The following MIS18A variants were observed in gnomAD, a reference collection of about 807,000 sequenced individuals.
MIS18A encodes the protein protein Mis18-alpha.
In MIS18A, 14 loss-of-function variants were observed where a neutral mutation model predicts 25.0. The observed-to-expected ratio is 0.56, with a 90% CI of 0.37 to 0.88. The LOEUF (loss-of-function observed/expected upper bound fraction) is 0.88, where lower values mean the gene tolerates loss of function less well. Ranked by LOEUF, MIS18A falls within the 40% of genes least tolerant of loss-of-function variation. MIS18A has a pLI of 0.00. For synonymous variants in MIS18A, 134 were observed against 118.6 expected (o/e 1.13, Z -0.84); for missense variants, 292 against 290.8 (o/e 1.00, Z -0.03).
At chr21:32,244,592 C>T in the MIS18A span, among the ~76,000 whole-genome samples, 1 of 152,084 alleles carries the variant, frequency 6.6e-6, no homozygotes, top group South Asian at 2.1e-4. Context: ...AAAAAAGTAG[C>T]CAGGTGTGGG....
At chr21:32,221,622 G>A in the MIS18A span, among the ~76,000 whole-genome samples, 4 of 151,388 alleles carry the variant, frequency 2.6e-5, no homozygotes, top group African/African-American at 9.7e-5. Context: ...GCTCACACCT[G>A]TAATCCCAGC....
At chr21:32,189,033 AC>A in the MIS18A span, among the ~76,000 whole-genome samples, 1 of 151,996 alleles carries the variant, frequency 6.6e-6, no homozygotes, top group Non-Finnish European at 1.5e-5. Flanking sequence ...TGTCTATAGG[AC>A]CCCCTTAAAA....
the MIS18A span, among the ~76,000 whole-genome samples, chr21:32,172,565 C>T: frequency 6.5e-3 from 947 of 145,894 alleles, 18 homozygotes; most frequent in African/African-American, 0.023. Context: ...ATCCCAGATG[C>T]GTTTTTTTTC....
the MIS18A span, among the ~76,000 whole-genome samples, chr21:32,249,130 G>T: frequency 3.9e-5 from 6 of 152,230 alleles, no homozygotes; most frequent in African/African-American, 1.4e-4. Context: ...AAAGATGGTT[G>T]ATCTGGCCCT....
At chr21:32,274,297 G>C (rs9982009) in intron 2 of MIS18A, among the ~76,000 whole-genome samples, 149,226 of 149,228 alleles carry the variant, frequency 1, 74,612 homozygotes, top group Middle Eastern at 1. Context: ...CTCCACCTCC[G>C]TAGTTCTAGT....
intron 2 of MIS18A, among the ~76,000 whole-genome samples, chr21:32,273,818 ATAAT>A (rs1342953444): frequency 3.3e-5 from 5 of 152,356 alleles, no homozygotes; most frequent in East Asian, 1.9e-4. Flanking sequence ...AAATATACAC[ATAAT>A]TAATTTTTGT....
chr21:32,203,821 G>A, the MIS18A span, among the ~76,000 whole-genome samples: 1,599 of 151,980 alleles, frequency 0.011, 31 homozygotes, highest in African/African-American at 0.037. Flanking sequence ...GTTTCACTAT[G>A]TTGCCCAGGC....
the MIS18A span, among the ~76,000 whole-genome samples, chr21:32,167,945 T>C: frequency 1.3e-5 from 2 of 152,086 alleles, no homozygotes; most frequent in Admixed American, 6.5e-5. Flanking sequence ...GACTGAACGA[T>C]TGTGTCCCCC....
the MIS18A span, among the ~76,000 whole-genome samples, chr21:32,179,126 T>C: frequency 6.6e-6 from 1 of 151,742 alleles, no homozygotes; most frequent in Non-Finnish European, 1.5e-5. Context: ...ATATATATCT[T>C]ATATTTCTCT....
At chr21:32,179,350 C>A in the MIS18A span, among the ~76,000 whole-genome samples, 1 of 152,164 alleles carries the variant, frequency 6.6e-6, no homozygotes, top group Non-Finnish European at 1.5e-5. Context: ...GGAGAAGTCC[C>A]AGGTTTAGTG....
chr21:32,182,651 G>A, the MIS18A span, among the ~76,000 whole-genome samples: 9 of 152,140 alleles, frequency 5.9e-5, no homozygotes, highest in Admixed American at 5.2e-4. Context: ...GCCCTAGGGT[G>A]CCAAGAGATT....
chr21:32,274,189 CTT>C (rs2031764929), intron 2 of MIS18A, among the ~76,000 whole-genome samples: 2 of 142,916 alleles, frequency 1.4e-5, no homozygotes, highest in African/African-American at 5.2e-5. Flanking sequence ...TAGGTATTTC[CTT>C]TTCTTCTTTT....
chr21:32,190,318 C>T, the MIS18A span, among the ~76,000 whole-genome samples: 1 of 152,150 alleles, frequency 6.6e-6, no homozygotes, highest in Admixed American at 6.5e-5. Context: ...GTGCCACCCA[C>T]CTCTGTTCTA....
At chr21:32,204,495 T>G in the MIS18A span, among the ~76,000 whole-genome samples, 1 of 148,522 alleles carries the variant, frequency 6.7e-6, no homozygotes, top group African/African-American at 2.5e-5. Context: ...AGATTCCATC[T>G]CAGAAAAAAA....
the MIS18A span, among the ~76,000 whole-genome samples, chr21:32,159,245 T>A: frequency 2.0e-5 from 3 of 152,208 alleles, no homozygotes; most frequent in Admixed American, 6.5e-5. Flanking sequence ...TTCCATTACA[T>A]TTACCTCATT....
the MIS18A span, among the ~76,000 whole-genome samples, chr21:32,158,442 A>C: frequency 6.6e-6 from 1 of 151,818 alleles, no homozygotes; most frequent in Non-Finnish European, 1.5e-5. Context: ...TTTTAGTATT[A>C]AAGACCCATC....
rs760855764 is a variant in MIS18A at position 32,270,446 on chromosome 21, T to C, written c.485A>G (p.Lys162Arg). ...AACACTGAGGCAAAACAAGTCTCTC[T>C]TGTAATCAAGATTCTTGGGCGTGCA... is the stretch of plus-strand genomic sequence containing the variant. ...YRCTPKNLDYKRDLFCLSVEA... is the reference protein window; with the variant it reads ...YRCTPKNLDYRRDLFCLSVEA... The change falls in exon 3 of 5, where the codon AAG becomes AGG. Residue 162 changes from lysine to arginine, a missense_variant. Lys to Arg is a conservative substitution (Grantham distance 26). Coordinates refer to ENST00000290130, the MANE Select transcript of MIS18A (RefSeq NM_018944.3). The C allele has an allele frequency of 2.5e-6, 4 of 1,613,866 alleles. 1 individual carries two copies. The South Asian group carries it at 3.3e-5, about 13-fold the overall frequency.
At chr21:32,211,865 C>T in the MIS18A span, among the ~76,000 whole-genome samples, 56,463 of 152,006 alleles carry the variant, frequency 0.37, 10,678 homozygotes, top group East Asian at 0.46. Flanking sequence ...TTGAGAGAAT[C>T]ACTGCATTTT....
downstream of MIS18A, chr21:32,268,200 C>G (rs1374046336): frequency 1.3e-5 from 2 of 152,144 alleles, no homozygotes; most frequent in Admixed American, 1.3e-4. Flanking sequence ...AAATACAATT[C>G]AGTTTGTAAA....
Sources: allele counts gnomAD v4.1 joint callset (sites outside exome capture counted in the v4.1 genomes callset), GRCh38; gene constraint gnomAD v4.1.1; transcripts MANE v1.5; gene names NCBI Gene and HGNC (gene_info 2026-07-23, HGNC 2026-07-21).